PLPPR1: variants seen among roughly 807,000 people sequenced by gnomAD.
PLPPR1 encodes the protein phospholipid phosphatase-related protein type 1.
PLPPR1 carries 10 observed loss-of-function variants against 33.1 expected under a neutral mutation model. That is an observed-to-expected ratio of 0.30 (90% CI 0.19 to 0.51). PLPPR1 has a LOEUF of 0.51. PLPPR1 is among the 20% of genes least tolerant of loss of function. PLPPR1 has a pLI of 0.97. For missense variants in PLPPR1, 304 were observed against 408.1 expected, an observed-to-expected ratio of 0.74 and a Z score of 2.20; for synonymous variants, 151 against 151.0, an observed-to-expected ratio of 1.00 and a Z score of 0.00.
chr9:101,112,408 G>A (rs1831068099), intron 1 of PLPPR1, among the ~76,000 whole-genome samples: 1 of 152,124 alleles, frequency 6.6e-6, no homozygotes, highest in Non-Finnish European at 1.5e-5. Context: ...TTCATATTCT[G>A]AGAGGATACA....
chr9:101,196,871 A>T (rs909580501), intron 2 of PLPPR1, among the ~76,000 whole-genome samples: 3 of 152,166 alleles, frequency 2.0e-5, no homozygotes, highest in African/African-American at 7.2e-5. Flanking sequence ...TCTCAAAAAA[A>T]AAAAAAAATT....
rs114511560 is a variant in PLPPR1, at chr9:101,045,813, C to T, written c.-46+16711C>T. On this transcript the variant is annotated intron_variant, in intron 1 of 7. Coordinates refer to ENST00000374874, the MANE Select transcript of PLPPR1 (RefSeq NM_207299.2). ...AACCTCTCTAACCTTCAATTTCTTCCTTGAAAAATGGGTTCATAATACCTA... is the reference window on the plus strand; with the variant it reads ...AACCTCTCTAACCTTCAATTTCTTCTTTGAAAAATGGGTTCATAATACCTA... Among the ~76,000 whole-genome samples the T allele has an allele frequency of 9.1e-3, 1,381 of 152,226 alleles. 63 individuals are homozygous for T. The East Asian group carries it at 0.14, about 16-fold the overall frequency.
At chr9:101,085,195 A>G (rs1192337979) in intron 1 of PLPPR1, among the ~76,000 whole-genome samples, 1 of 152,194 alleles carries the variant, frequency 6.6e-6, no homozygotes, top group East Asian at 1.9e-4. Flanking sequence ...GAGGGGGTGA[A>G]AAAGAGTCCA....
At chr9:101,181,320 G>A (rs1243447850) in intron 1 of PLPPR1, among the ~76,000 whole-genome samples, 1 of 150,830 alleles carries the variant, frequency 6.6e-6, no homozygotes, top group Non-Finnish European at 1.5e-5. Flanking sequence ...AGTAAGTGTT[G>A]ACGATGGTGT....
intron 1 of PLPPR1, among the ~76,000 whole-genome samples, chr9:101,061,897 G>A (rs1331378898): frequency 6.6e-6 from 1 of 151,942 alleles, no homozygotes; most frequent in Non-Finnish European, 1.5e-5. Context: ...TTTGGGGTGA[G>A]AAAATCAAGA....
intron 2 of PLPPR1, among the ~76,000 whole-genome samples, chr9:101,190,164 A>G (rs1245125770): frequency 6.6e-6 from 1 of 152,142 alleles, no homozygotes; most frequent in Non-Finnish European, 1.5e-5. Context: ...TCCTATACCA[A>G]CAGGTGGATT....
At chr9:101,232,762 G>C (rs1827217426) in intron 2 of PLPPR1, among the ~76,000 whole-genome samples, 1 of 151,880 alleles carries the variant, frequency 6.6e-6, no homozygotes, top group African/African-American at 2.4e-5. Context: ...CTAGCTATGA[G>C]GTCTTGGGCA....
rs1830733512 is a variant in PLPPR1, at chr9:101,090,897, C to G, written c.-46+61795C>G. Among the ~76,000 whole-genome samples, 4 of 151,956 alleles carry G rather than the reference C, an allele frequency of 2.6e-5. No homozygotes were observed. The South Asian group carries it at 6.2e-4, about 24-fold the overall frequency. ...GTGCTTCTTTTTTTTTCCCCATCCT[C>G]TAAATTCCACTGTTCTTCATGGTTG... On this transcript the variant is annotated intron_variant, in intron 1 of 7. Transcript: ENST00000374874.
At chr9:101,056,447 G>T (rs1049786767) in intron 1 of PLPPR1, among the ~76,000 whole-genome samples, 3 of 152,140 alleles carry the variant, frequency 2.0e-5, no homozygotes, top group Non-Finnish European at 4.4e-5. Flanking sequence ...CAAAGAGATT[G>T]TTGGGCCACA....
intron 1 of PLPPR1, among the ~76,000 whole-genome samples, chr9:101,067,512 G>A (rs1830433506): frequency 1.3e-5 from 2 of 151,894 alleles, no homozygotes; most frequent in Non-Finnish European, 2.9e-5. Flanking sequence ...TTAATAAGAG[G>A]GTATGCATGA....
intron 1 of PLPPR1, among the ~76,000 whole-genome samples, chr9:101,171,183 G>T (rs1825936867): frequency 6.6e-6 from 1 of 152,102 alleles, no homozygotes; most frequent in African/African-American, 2.4e-5. Flanking sequence ...TTGAGGTCCA[G>T]GCAGGGATTC....
chr9:101,138,776 G>A (rs908846248), intron 1 of PLPPR1, among the ~76,000 whole-genome samples: 1 of 152,184 alleles, frequency 6.6e-6, no homozygotes, highest in African/African-American at 2.4e-5. Flanking sequence ...GGATGACTAA[G>A]GCTCAGAGAA....
intron 2 of PLPPR1, among the ~76,000 whole-genome samples, chr9:101,186,111 T>A (rs1393978791): frequency 6.6e-6 from 1 of 151,906 alleles, no homozygotes; most frequent in Non-Finnish European, 1.5e-5. Context: ...TCCAACTTTG[T>A]ACTAGCAGTT....
intron 2 of PLPPR1, among the ~76,000 whole-genome samples, chr9:101,220,326 A>G (rs1425836563): frequency 1.3e-5 from 2 of 152,208 alleles, no homozygotes; most frequent in Non-Finnish European, 2.9e-5. Flanking sequence ...ATATTAACTC[A>G]TTATTTATCA....
intron 2 of PLPPR1, among the ~76,000 whole-genome samples, chr9:101,265,552 T>C (rs1213475345): frequency 6.6e-6 from 1 of 152,194 alleles, no homozygotes; most frequent in Non-Finnish European, 1.5e-5. Context: ...TGATAAATCA[T>C]ATCTCAGGAC....
chr9:101,227,080 T>C (rs960416203), intron 2 of PLPPR1, among the ~76,000 whole-genome samples: 3 of 152,046 alleles, frequency 2.0e-5, no homozygotes, highest in African/African-American at 4.8e-5. Context: ...CCATGGGAAC[T>C]TGAAGGGACT....
chr9:101,163,121 T>G (rs1438649279), intron 1 of PLPPR1, among the ~76,000 whole-genome samples: 1 of 152,168 alleles, frequency 6.6e-6, no homozygotes, highest in Non-Finnish European at 1.5e-5. Flanking sequence ...ATTAATGATC[T>G]TTTTATCTGT....
chr9:101,154,854 C>T (rs907503808), intron 1 of PLPPR1, among the ~76,000 whole-genome samples: 3 of 151,362 alleles, frequency 2.0e-5, no homozygotes, highest in African/African-American at 4.9e-5. Flanking sequence ...AGCAAACTAT[C>T]GCAAGGACAA....
At chr9:101,035,440 G>GT (rs1419410856) in intron 1 of PLPPR1, among the ~76,000 whole-genome samples, 1 of 152,072 alleles carries the variant, frequency 6.6e-6, no homozygotes, top group Non-Finnish European at 1.5e-5. Context: ...ACTTCTTACA[G>GT]TTACCCCCAT....
Sources: gnomAD v4.1 joint callset for allele counts (sites outside exome capture counted in the v4.1 genomes callset) on GRCh38, gnomAD v4.1.1 for gene constraint, MANE v1.5 for transcripts, NCBI Gene and HGNC (gene_info 2026-07-23, HGNC 2026-07-21) for gene names.